Variants in TMEM117 observed in about 807,000 individuals in gnomAD.
The protein encoded by TMEM117 is transmembrane protein 117.
Under a neutral mutation model 52.4 loss-of-function variants are expected in TMEM117, and 27 were observed. The ratio of observed to expected loss-of-function variants is 0.51; its 90% CI spans 0.38 to 0.71. The LOEUF (loss-of-function observed/expected upper bound fraction) is 0.71, where lower values mean the gene tolerates loss of function less well. TMEM117 is among the 30% of genes least tolerant of loss of function. The pLI, the probability that TMEM117 is intolerant of heterozygous loss-of-function variation, is 0.00. For missense variants in TMEM117, 556 were observed against 630.5 expected, an observed-to-expected ratio of 0.88 and a Z score of 1.26; for synonymous variants, 215 against 206.3, an observed-to-expected ratio of 1.04 and a Z score of -0.36.
the TMEM117 span, among the ~76,000 whole-genome samples, chr12:43,817,303 T>C: frequency 2.0e-5 from 3 of 152,256 alleles, no homozygotes; most frequent in Non-Finnish European, 4.4e-5. Flanking sequence ...ATAAGAGTTA[T>C]GTTTTGAAAA....
intron 3 of TMEM117, among the ~76,000 whole-genome samples, chr12:43,979,985 A>C (rs1302080158): frequency 2.0e-5 from 3 of 152,156 alleles, no homozygotes; most frequent in African/African-American, 7.2e-5. Context: ...TTATCTCTTG[A>C]TAAGCGTCAA....
In TMEM117 at chr12:44,231,646, C is replaced by T. The variant is rs139303385; in HGVS notation, c.608+20259C>T. On this transcript the variant is annotated intron_variant, in intron 5 of 7. Coordinates refer to ENST00000266534, the MANE Select transcript of TMEM117 (RefSeq NM_032256.3). ...CCTTCACCTAATGTTTATAGACTTA[C>T]ATTTTAGCCAATCCGGTGGTTGTTC... 7.5e-3 allele frequency among the ~76,000 whole-genome samples: 1,134 copies of T among 151,876 alleles called. 17 individuals are homozygous for T. Among genetic ancestry groups the T allele is most frequent in the African/African-American group, 0.027 (1,103 of 41,524 alleles).
intron 6 of TMEM117, among the ~76,000 whole-genome samples, chr12:44,358,029 A>T (rs1158973122): frequency 6.6e-6 from 1 of 152,152 alleles, no homozygotes; most frequent in Non-Finnish European, 1.5e-5. Flanking sequence ...CAGCAAATGG[A>T]TGCCACTGGA....
At chr12:43,878,750 A>G (rs1943846349) in intron 2 of TMEM117, among the ~76,000 whole-genome samples, 1 of 152,224 alleles carries the variant, frequency 6.6e-6, no homozygotes, top group South Asian at 2.1e-4. Flanking sequence ...AAAATGAGAA[A>G]GTTTAGAAAC....
At chr12:43,941,142 A>G (rs1407971252) in intron 2 of TMEM117, among the ~76,000 whole-genome samples, 1 of 152,220 alleles carries the variant, frequency 6.6e-6, no homozygotes, top group East Asian at 1.9e-4. Context: ...TATTAATAAC[A>G]TAAATACACA....
At chr12:44,384,914 A>G (rs1372822354) in intron 7 of TMEM117, among the ~76,000 whole-genome samples, 1 of 152,162 alleles carries the variant, frequency 6.6e-6, no homozygotes, top group South Asian at 2.1e-4. Flanking sequence ...CTCACAAATA[A>G]TCCTTTGAGG....
At chr12:43,928,096 C>T (rs1463275270) in intron 2 of TMEM117, among the ~76,000 whole-genome samples, 1 of 151,862 alleles carries the variant, frequency 6.6e-6, no homozygotes, top group Non-Finnish European at 1.5e-5. Context: ...AGTGGCTACC[C>T]TTGATACTTT....
intron 2 of TMEM117, among the ~76,000 whole-genome samples, chr12:43,914,049 C>G (rs1400966046): frequency 6.6e-6 from 1 of 152,078 alleles, no homozygotes; most frequent in Non-Finnish European, 1.5e-5. Context: ...CATATTTCCT[C>G]TGGTGCATCT....
chr12:44,034,788 C>A (rs938411867), intron 3 of TMEM117, among the ~76,000 whole-genome samples: 3 of 152,052 alleles, frequency 2.0e-5, no homozygotes, highest in Non-Finnish European at 4.4e-5. Context: ...CCATAGGATG[C>A]CCAGATTAAT....
At chr12:44,223,485 T>C (rs1039020826) in intron 5 of TMEM117, among the ~76,000 whole-genome samples, 2 of 151,892 alleles carry the variant, frequency 1.3e-5, no homozygotes, top group Admixed American at 6.6e-5. Context: ...CATTTGGAAC[T>C]AGATCCCTCA....
downstream of TMEM117, chr12:44,389,765 A>T (rs1362494655): frequency 6.6e-6 from 1 of 152,304 alleles, no homozygotes; most frequent in Non-Finnish European, 1.5e-5. Flanking sequence ...AGCAGTGATT[A>T]TGTGATGTAG....
chr12:44,256,016 ATATTAAATTATT>A (rs1195196354), intron 5 of TMEM117, among the ~76,000 whole-genome samples: 6 of 152,006 alleles, frequency 3.9e-5, no homozygotes, highest in Admixed American at 6.6e-5. Context: ...AGCAGATTTT[ATATTAAATTATT>A]TATATAAGTC....
intron 2 of TMEM117, among the ~76,000 whole-genome samples, chr12:43,884,753 T>A (rs992765962): frequency 1.3e-5 from 2 of 152,196 alleles, no homozygotes; most frequent in Non-Finnish European, 2.9e-5. Flanking sequence ...TCTGCCTTTC[T>A]TCCTGGTCCA....
At chr12:44,399,088 A>G in the TMEM117 span, among the ~76,000 whole-genome samples, 1 of 152,212 alleles carries the variant, frequency 6.6e-6, no homozygotes, top group Non-Finnish European at 1.5e-5. Context: ...TCTATTTACA[A>G]TAAACTTTTT....
chr12:43,805,089 G>A, the TMEM117 span, among the ~76,000 whole-genome samples: 1 of 152,122 alleles, frequency 6.6e-6, no homozygotes, highest in Non-Finnish European at 1.5e-5. Context: ...TTTCTAACTT[G>A]CATTTCTCAA....
chr12:43,820,254 C>G, the TMEM117 span, among the ~76,000 whole-genome samples: 6 of 152,202 alleles, frequency 3.9e-5, no homozygotes, highest in Admixed American at 1.3e-4. Flanking sequence ...TGCGCCACCA[C>G]GCCCAACTAA....
chr12:44,231,885 T>G (rs1302390458), intron 5 of TMEM117, among the ~76,000 whole-genome samples: 1 of 151,750 alleles, frequency 6.6e-6, no homozygotes, highest in African/African-American at 2.4e-5. Flanking sequence ...CTTTTTACTC[T>G]TCTTATGGGT....
intron 2 of TMEM117, among the ~76,000 whole-genome samples, chr12:43,874,060 A>G (rs1731438): frequency 1.3e-5 from 2 of 151,784 alleles, no homozygotes; most frequent in African/African-American, 4.9e-5. Context: ...CTTTTCATTT[A>G]TTTATTCTGT....
At chr12:44,035,858 G>A (rs1028731703) in intron 3 of TMEM117, among the ~76,000 whole-genome samples, 2 of 152,184 alleles carry the variant, frequency 1.3e-5, no homozygotes, top group African/African-American at 2.4e-5. Flanking sequence ...AAAATGATGG[G>A]AATCACACCT....
Sources: allele counts gnomAD v4.1 joint callset (sites outside exome capture counted in the v4.1 genomes callset), GRCh38; gene constraint gnomAD v4.1.1; transcripts MANE v1.5; gene names NCBI Gene and HGNC (gene_info 2026-07-23, HGNC 2026-07-21).